RNF212B: variants seen among roughly 807,000 people sequenced by gnomAD.
The protein encoded by RNF212B is E3 ubiquitin-protein ligase RNF212B.
Under a neutral mutation model 55.5 loss-of-function variants are expected in RNF212B, and 52 were observed. That is an observed-to-expected ratio of 0.94 (90% CI 0.75 to 1.18). The LOEUF is 1.18. RNF212B is among the 50% of genes most tolerant of loss of function. The pLI is 0.00. For missense variants in RNF212B, 289 were observed against 350.4 expected (o/e 0.82, Z 1.40); for synonymous variants, 99 against 121.4 (o/e 0.82, Z 1.21).
intron 2 of RNF212B, among the ~76,000 whole-genome samples, chr14:23,203,553 A>G (rs1310990844): frequency 4.1e-5 from 6 of 147,844 alleles, no homozygotes; most frequent in African/African-American, 1.5e-4. Flanking sequence ...ATCTTGGCTC[A>G]CTGCAATCTC....
At chr14:23,256,844 G>A (rs918543482) in intron 4 of RNF212B, among the ~76,000 whole-genome samples, 7 of 152,076 alleles carry the variant, frequency 4.6e-5, no homozygotes, top group Admixed American at 6.5e-5. Context: ...GTATTATCAC[G>A]CCTGGCTAAA....
At chr14:23,194,721 T>A (rs1344178821) in intron 2 of RNF212B, among the ~76,000 whole-genome samples, 1 of 106,256 alleles carries the variant, frequency 9.4e-6, no homozygotes, top group Non-Finnish European at 1.7e-5. Context: ...GGCTACAGAG[T>A]GAGACTCTGT....
At chr14:23,215,068 G>A (rs1880930409) in intron 2 of RNF212B, among the ~76,000 whole-genome samples, 1 of 152,112 alleles carries the variant, frequency 6.6e-6, no homozygotes, top group South Asian at 2.1e-4. Flanking sequence ...ATGTGTTGAG[G>A]GAGGGACCTG....
At chr14:23,244,454 T>G (rs779386004) in intron 4 of RNF212B, 58 bp downstream of exon 4, 61 of 886,214 alleles carry the variant, frequency 6.9e-5, no homozygotes, top group Admixed American at 1.3e-4. Context: ...AATTGCATCT[T>G]ATTCCTTTAT....
chr14:23,218,196 G>A (rs930677980), intron 2 of RNF212B, among the ~76,000 whole-genome samples: 4 of 147,752 alleles, frequency 2.7e-5, no homozygotes, highest in East Asian at 2.0e-4. Flanking sequence ...GTGAAACCCC[G>A]TCTCTACTAA....
rs1457822987 is a variant in RNF212B at position 23,264,626 on chromosome 14, G to A, written c.589G>A (p.Gly197Ser). ...ATGCTTATTATTTGTCTATCAGGGA[G>A]GCAGAGGTCTGCAGGGAAGGAGAAC... The part of the protein sequence containing the change: ...EAGFGSLGQG[G>S]RGLQGRRTPR... The change falls in exon 11 of 15, where the codon GGC (glycine) becomes AGC (serine). Residue 197 changes from glycine (G) to serine (S), a missense_variant. Physicochemically the swap from Gly to Ser is moderately conservative, Grantham distance 56. Transcript: ENST00000430154. The A allele has an allele frequency of 1.5e-6, 2 of 1,342,174 alleles. No homozygotes were observed. Among genetic ancestry groups the A allele is most frequent in the Non-Finnish European group, 1.9e-6 (2 of 1,039,324 alleles). The allele number at this position is 1,342,174 out of a possible 1,614,324, so 83.1% of individuals were successfully genotyped here.
chr14:23,258,948 G>A (rs1318242327), intron 5 of RNF212B, among the ~76,000 whole-genome samples: 2 of 151,586 alleles, frequency 1.3e-5, no homozygotes, highest in Admixed American at 6.6e-5. Context: ...CACTTTGGGT[G>A]ACCGAAGCAG....
intron 4 of RNF212B, among the ~76,000 whole-genome samples, chr14:23,248,138 C>A (rs1884122139): frequency 6.6e-6 from 1 of 151,946 alleles, no homozygotes; most frequent in South Asian, 2.1e-4. Flanking sequence ...GAGACAGGGT[C>A]TCACTCTGTC....
At chr14:23,241,737 A>G (rs1410125823) in intron 2 of RNF212B, among the ~76,000 whole-genome samples, 4 of 151,418 alleles carry the variant, frequency 2.6e-5, no homozygotes, top group Non-Finnish European at 2.9e-5. Context: ...TTGTTTTAAG[A>G]GAAGAATGTT....
intron 2 of RNF212B, among the ~76,000 whole-genome samples, chr14:23,212,637 A>C (rs1377952918): frequency 6.6e-6 from 1 of 151,862 alleles, no homozygotes; most frequent in Non-Finnish European, 1.5e-5. Context: ...GCTGGAGTGC[A>C]GTGGCGCAGT....
chr14:23,268,912 T>C lies in RNF212B; in HGVS notation c.635-12T>C, dbSNP rs1249085351. 1.9e-6 allele frequency: 3 copies of C among 1,549,310 alleles called. No individual in the cohort carries two copies. The highest frequency in any genetic ancestry group is 3.9e-5 in the Admixed American group (2 of 51,002). ...ATGGATTATCTCACAGGCTTATTTT[T>C]ATGCTTTCCAGAAACCCCTTCACCG... is the stretch of plus-strand genomic sequence containing the variant. On this transcript the variant is annotated splice_polypyrimidine_tract_variant and intron_variant, in intron 11 of 14. Transcript: ENST00000430154.
intron 2 of RNF212B, among the ~76,000 whole-genome samples, chr14:23,199,996 C>G (rs569273424): frequency 1.6e-4 from 24 of 151,336 alleles, no homozygotes; most frequent in Non-Finnish European, 2.9e-4. Context: ...TCAGCCCAAA[C>G]TGTAGAACAT....
At chr14:23,189,349 T>C (rs966387475) in intron 1 of RNF212B, among the ~76,000 whole-genome samples, 1 of 152,166 alleles carries the variant, frequency 6.6e-6, no homozygotes, top group African/African-American at 2.4e-5. Context: ...TCTGTGTTCC[T>C]ATGTATCTCC....
At chr14:23,260,546 A>C in intron 6 of RNF212B, 113 bp from the exon 7 acceptor site, 1 of 946,156 alleles carries the variant, frequency 1.1e-6, no homozygotes, top group Non-Finnish European at 1.7e-6. Context: ...TGGGAGTCTT[A>C]GCAACCATGA....
At chr14:23,216,900 A>AAAAAAAC in intron 2 of RNF212B, among the ~76,000 whole-genome samples, 1 of 151,376 alleles carries the variant, frequency 6.6e-6, no homozygotes. Context: ...AAAAAAAAAA[A>AAAAAAAC]AAAAGACCAA....
intron 2 of RNF212B, among the ~76,000 whole-genome samples, chr14:23,243,008 A>T (rs1275467566): frequency 6.6e-6 from 1 of 151,634 alleles, no homozygotes; most frequent in African/African-American, 2.4e-5. Context: ...ATTTAAAAAG[A>T]TAGGGAGATG....
chr14:23,254,949 G>T (rs1372997153), intron 4 of RNF212B, among the ~76,000 whole-genome samples: 1 of 152,116 alleles, frequency 6.6e-6, no homozygotes, highest in Non-Finnish European at 1.5e-5. Flanking sequence ...TTTATACAAG[G>T]CTGTTGGTTT....
chr14:23,208,020 A>G (rs749418128), intron 2 of RNF212B, among the ~76,000 whole-genome samples: 1 of 152,176 alleles, frequency 6.6e-6, no homozygotes, highest in Non-Finnish European at 1.5e-5. Context: ...ATATGCATCT[A>G]TATCAGTGAG....
intron 1 of RNF212B, among the ~76,000 whole-genome samples, chr14:23,189,368 T>C (rs938802970): frequency 1.3e-5 from 2 of 152,206 alleles, no homozygotes; most frequent in African/African-American, 2.4e-5. Flanking sequence ...CCCCTATTTG[T>C]GCACTAGCTT....
Sources: allele counts gnomAD v4.1 joint callset (sites outside exome capture counted in the v4.1 genomes callset), GRCh38; gene constraint gnomAD v4.1.1; transcripts MANE v1.5; gene names NCBI Gene and HGNC (gene_info 2026-07-23, HGNC 2026-07-21).